The following SPON1 variants were observed in gnomAD, a reference collection of about 807,000 sequenced individuals.
The protein encoded by SPON1 is spondin-1.
A neutral mutation model predicts 111.7 loss-of-function variants in SPON1; 52 were observed. That is an observed-to-expected ratio of 0.47 (90% CI 0.37 to 0.59). SPON1 has a LOEUF of 0.59. Ranked by LOEUF, SPON1 falls within the 20% of genes least tolerant of loss-of-function variation. SPON1 has a pLI of 0.00. For synonymous variants in SPON1, 410 were observed against 395.8 expected, an observed-to-expected ratio of 1.04 and a Z score of -0.43; for missense variants, 957 against 1,068.5, an observed-to-expected ratio of 0.90 and a Z score of 1.46.
chr11:14,172,609 A>G (rs1181776666), intron 6 of SPON1, among the ~76,000 whole-genome samples: 1 of 151,932 alleles, frequency 6.6e-6, no homozygotes, highest in African/African-American at 2.4e-5. Flanking sequence ...ACAATTTGGC[A>G]TATTTTTGCA....
intron 5 of SPON1, among the ~76,000 whole-genome samples, chr11:14,084,935 C>T (rs12360794): frequency 0.072 from 10,934 of 152,268 alleles, 519 homozygotes; most frequent in South Asian, 0.19. Context: ...TTGTTGGCCA[C>T]ATAAATGTCT....
chr11:14,260,967 G>A (rs1346679806), intron 14 of SPON1, among the ~76,000 whole-genome samples: 2 of 152,144 alleles, frequency 1.3e-5, no homozygotes, highest in African/African-American at 4.8e-5. Flanking sequence ...AACACCCAAA[G>A]TTAAGGTTCC....
At chr11:14,024,056 A>G (rs1354211614) in intron 2 of SPON1, among the ~76,000 whole-genome samples, 4 of 151,690 alleles carry the variant, frequency 2.6e-5, no homozygotes, top group East Asian at 1.9e-4. Flanking sequence ...TCTCCCTCAC[A>G]AGGCATGTGA....
At chr11:14,244,516 CAAAA>C (rs1335324550) in intron 7 of SPON1, among the ~76,000 whole-genome samples, 3 of 109,782 alleles carry the variant, frequency 2.7e-5, no homozygotes, top group East Asian at 5.2e-4. Flanking sequence ...GAATCCATCT[CAAAA>C]AAAAAAAAAA....
chr11:13,991,046 G>A (rs991184482), intron 2 of SPON1, among the ~76,000 whole-genome samples: 1 of 152,134 alleles, frequency 6.6e-6, no homozygotes, highest in Admixed American at 6.5e-5. Flanking sequence ...GACAATTAAT[G>A]TGTCTTGGGG....
At chr11:14,071,120 C>T (rs1848872442) in intron 3 of SPON1, among the ~76,000 whole-genome samples, 1 of 152,070 alleles carries the variant, frequency 6.6e-6, no homozygotes, top group Admixed American at 6.5e-5. Context: ...ACAGCTTTCT[C>T]ATCTTGTAAA....
At chr11:14,253,766 C>T (rs1429808644) in intron 7 of SPON1, among the ~76,000 whole-genome samples, 4 of 152,240 alleles carry the variant, frequency 2.6e-5, no homozygotes, top group Non-Finnish European at 5.9e-5. Flanking sequence ...CACTTATTCA[C>T]TTTCATGGCC....
At chr11:14,190,166 G>A (rs1359734478) in intron 6 of SPON1, among the ~76,000 whole-genome samples, 3 of 152,088 alleles carry the variant, frequency 2.0e-5, no homozygotes, top group South Asian at 2.1e-4. Context: ...TCCACCATGC[G>A]ATGAAACCCT....
chr11:14,082,287 G>A (rs909454285), intron 5 of SPON1, among the ~76,000 whole-genome samples: 13 of 152,136 alleles, frequency 8.5e-5, no homozygotes, highest in Non-Finnish European at 1.5e-4. Flanking sequence ...TATAGCAGAC[G>A]TGTGTTCCAG....
intron 10 of SPON1, among the ~76,000 whole-genome samples, chr11:14,256,963 A>G (rs1239254478): frequency 1.3e-5 from 2 of 152,196 alleles, no homozygotes; most frequent in African/African-American, 4.8e-5. Context: ...TGGGCTTCGC[A>G]GGATTCAGAC....
At chr11:14,264,670 T>C (rs895458179) in intron 15 of SPON1, among the ~76,000 whole-genome samples, 2 of 152,232 alleles carry the variant, frequency 1.3e-5, no homozygotes, top group African/African-American at 2.4e-5. Context: ...AGTTGTACGG[T>C]ACATTCCTCC....
intron 3 of SPON1, among the ~76,000 whole-genome samples, chr11:14,053,844 G>T (rs932199794): frequency 6.6e-6 from 1 of 152,212 alleles, no homozygotes; most frequent in Non-Finnish European, 1.5e-5. Flanking sequence ...CACCCAGTGT[G>T]TGACCACAGT....
At position 14,135,660 on chromosome 11, in the gene SPON1, A is replaced by G. The variant is rs1241488408; in HGVS notation, c.825+92A>G. ...TTCCCAGGGGCTTGAAATTTGCAGT[A>G]CAATGTGGTGGAAGAAAATCTATTT... On this transcript the variant is annotated intron_variant, in intron 6 of 15. Transcript: ENST00000576479. This position sits in a 1 kb window ranked among gnomAD's most constrained non-coding sequence, Gnocchi z 4.4. 1 of 1,304,336 alleles carries G rather than the reference A, an allele frequency of 7.7e-7. No homozygotes were observed. Among genetic ancestry groups the G allele is most frequent in the African/African-American group, 1.5e-5 (1 of 68,164 alleles). 80.8% of individuals were successfully genotyped at this position (1,304,336 alleles called of 1,614,324 possible).
intron 2 of SPON1, among the ~76,000 whole-genome samples, chr11:14,005,282 C>T (rs1280970505): frequency 6.6e-6 from 1 of 152,158 alleles, no homozygotes; most frequent in Non-Finnish European, 1.5e-5. Context: ...GGCCCCTGGC[C>T]CCACCAGTTG....
intron 1 of SPON1, among the ~76,000 whole-genome samples, chr11:13,975,242 A>T (rs1159581641): frequency 6.6e-6 from 1 of 152,144 alleles, no homozygotes; most frequent in East Asian, 1.9e-4. Context: ...GTCTCCAGGG[A>T]TGTAGCACTG....
chr11:14,005,393 A>C lies in SPON1; in HGVS notation c.345+22440A>C, dbSNP rs373353070. On this transcript the variant is annotated intron_variant, in intron 2 of 15. Coordinates refer to ENST00000576479, the MANE Select transcript of SPON1 (RefSeq NM_006108.4). The stretch of plus-strand genomic sequence containing the variant: ...TGCTTCTCTAAATGATGCACTCTCC[A>C]AACTCTGTCCTGTAACCTTTTCTGT... Among the ~76,000 whole-genome samples the C allele has an allele frequency of 9.8e-5, 15 of 152,314 alleles. No individual in the cohort carries two copies. The South Asian group carries it at 1.7e-3, about 17-fold the overall frequency.
At chr11:14,072,657 A>T (rs140786607) in intron 3 of SPON1, among the ~76,000 whole-genome samples, 99 of 152,136 alleles carry the variant, frequency 6.5e-4, no homozygotes, top group African/African-American at 2.2e-3. Flanking sequence ...AATTATAAAG[A>T]CCCTTGAATA....
intron 6 of SPON1, among the ~76,000 whole-genome samples, chr11:14,210,692 C>T (rs1235248993): frequency 6.6e-6 from 1 of 152,104 alleles, no homozygotes; most frequent in Admixed American, 6.5e-5. Context: ...TGAGCCACCG[C>T]ACCCGGGCAT....
At chr11:14,218,739 TG>T (rs1591415397) in intron 6 of SPON1, among the ~76,000 whole-genome samples, 1 of 152,204 alleles carries the variant, frequency 6.6e-6, no homozygotes, top group East Asian at 1.9e-4. Flanking sequence ...AGGAAAGCTG[TG>T]TGACAGTCTC....
Sources: gnomAD v4.1 joint callset for allele counts (sites outside exome capture counted in the v4.1 genomes callset) on GRCh38, gnomAD v4.1.1 for gene constraint, Gnocchi (gnomAD v3.1) non-coding constraint, MANE v1.5 for transcripts, NCBI Gene and HGNC (gene_info 2026-07-23, HGNC 2026-07-21) for gene names.